Variants in TMEM268 observed in about 807,000 individuals in gnomAD.
The protein encoded by TMEM268 is transmembrane protein 268.
TMEM268 carries 24 observed loss-of-function variants against 39.1 expected under a neutral mutation model. The observed-to-expected ratio is 0.61, with a 90% CI of 0.44 to 0.86. TMEM268 has a LOEUF of 0.86. Ranked by LOEUF, TMEM268 falls within the 40% of genes least tolerant of loss-of-function variation. The pLI, the probability that TMEM268 is intolerant of heterozygous loss-of-function variation, is 0.00. For missense variants in TMEM268, 409 were observed against 428.6 expected, an observed-to-expected ratio of 0.95 and a Z score of 0.40; for synonymous variants, 176 against 173.5, an observed-to-expected ratio of 1.01 and a Z score of -0.12.
At chr9:114,618,627 G>T (rs910633586) in intron 2 of TMEM268, among the ~76,000 whole-genome samples, 3 of 151,652 alleles carry the variant, frequency 2.0e-5, no homozygotes, top group Non-Finnish European at 4.4e-5. Context: ...CACACCACTG[G>T]ACTCCAGTTT....
intron 2 of TMEM268, chr9:114,622,580 T>G: frequency 1.1e-6 from 1 of 891,744 alleles, no homozygotes; most frequent in Non-Finnish European, 1.3e-6. Flanking sequence ...CCAGCTGGTC[T>G]CATGGTCTGG....
At chr9:114,633,620 A>G (rs1846499470) in intron 5 of TMEM268, 148 bp from the exon 6 acceptor site, 1 of 453,708 alleles carries the variant, frequency 2.2e-6, no homozygotes, top group Non-Finnish European at 3.9e-6. Context: ...ACCCCCGACC[A>G]TTTAATAGGG....
At chr9:114,617,055 C>A in intron 1 of TMEM268, 63 bp from the exon 2 acceptor site, 1 of 578,556 alleles carries the variant, frequency 1.7e-6, no homozygotes, top group Admixed American at 3.6e-5. Flanking sequence ...TGGAGACAGC[C>A]CCTAGGAACC....
chr9:114,628,953 T>C (rs1182085770), intron 5 of TMEM268, among the ~76,000 whole-genome samples: 3 of 152,252 alleles, frequency 2.0e-5, no homozygotes, highest in Non-Finnish European at 4.4e-5. Flanking sequence ...GGTCCTCTGT[T>C]AAATGCTTAC....
chr9:114,642,218 A>G (rs192088430), intron 8 of TMEM268, among the ~76,000 whole-genome samples: 138 of 152,188 alleles, frequency 9.1e-4, no homozygotes, highest in African/African-American at 3.2e-3. Flanking sequence ...CTCAACCCCT[A>G]GAAACCACCA....
At chr9:114,639,162 TCTCA>T (rs1846779548) in intron 8 of TMEM268, among the ~76,000 whole-genome samples, 1 of 151,952 alleles carries the variant, frequency 6.6e-6, no homozygotes, top group South Asian at 2.1e-4. Flanking sequence ...TAGAACAGGG[TCTCA>T]CTCCCGTCAC....
intron 7 of TMEM268, among the ~76,000 whole-genome samples, chr9:114,638,255 C>G (rs767521268): frequency 6.6e-6 from 1 of 152,030 alleles, no homozygotes; most frequent in Non-Finnish European, 1.5e-5. Flanking sequence ...TTGGCCAGGC[C>G]GGTCTTGAAC....
rs187944154 is a variant in TMEM268, at chr9:114,619,578, C to T, written c.106+2277C>T. On this transcript the variant is annotated intron_variant, in intron 2 of 8. Coordinates refer to ENST00000288502, the MANE Select transcript of TMEM268 (RefSeq NM_153045.4). Reference sequence around the variant, plus strand: ...TCTCCATGCGTGGAGTCCAAATCAACGTGGAGTTTTCATTCTTGCTGTGGA... The same window carrying T: ...TCTCCATGCGTGGAGTCCAAATCAATGTGGAGTTTTCATTCTTGCTGTGGA... Among the ~76,000 whole-genome samples the T allele has an allele frequency of 3.2e-3, 488 of 152,340 alleles. 8 individuals are homozygous for T. Among genetic ancestry groups the T allele is most frequent in the Admixed American group, 0.029 (443 of 15,296 alleles).
intron 5 of TMEM268, among the ~76,000 whole-genome samples, chr9:114,630,302 C>CCATCCATA (rs1184506922): frequency 6.6e-6 from 1 of 152,056 alleles, no homozygotes; most frequent in Non-Finnish European, 1.5e-5. Flanking sequence ...ATCCATCCAT[C>CCATCCATA]CATCCATCCA....
At chr9:114,638,311 G>A (rs1278973967) in intron 7 of TMEM268, among the ~76,000 whole-genome samples, 2 of 152,176 alleles carry the variant, frequency 1.3e-5, no homozygotes, top group East Asian at 1.9e-4. Context: ...CAAAGTGCTG[G>A]GATTACAGGC....
Position 114,628,185 on chromosome 9 carries a change from G to A in TMEM268, c.409G>A (p.Val137Met), listed in dbSNP as rs143983393. ...LGNHWAGMLL[V>M]TLAAVSLTLT... ...GAACCACTGGGCTGGCATGCTGCTC[G>A]TGACCCTGGCCGCGGTGAGCCTGAC... is the stretch of plus-strand genomic sequence containing the variant. Residue 137 changes from valine to methionine, a missense_variant, in exon 5 of 9, where the codon GTG becomes ATG. By Grantham distance (21) the Val-to-Met change is conservative. Transcript: ENST00000288502. The A allele has an allele frequency of 4.5e-5, 72 of 1,614,044 alleles. No homozygotes were observed. Among genetic ancestry groups the A allele is most frequent in the Non-Finnish European group, 5.8e-5 (69 of 1,180,040 alleles).
rs978125013 is a variant in TMEM268 at position 114,645,860 on chromosome 9, A to C, written c.*2547A>C. 3.3e-5 allele frequency: 5 copies of C among 152,350 alleles called. No individual in the cohort carries two copies. In the South Asian group the frequency reaches 6.2e-4, roughly 19 times the overall value. The allele number at this position is 152,350 out of a possible 1,614,324, so 9.4% of individuals were successfully genotyped here. On this transcript the variant is annotated 3_prime_UTR_variant, in exon 9 of 9. Transcript: ENST00000288502. Reference sequence around the variant, plus strand: ...CTGTGCCTCAGTTTCCTCATTTATAAAATCCCTATGATCTCTGTCTCACCT... The same window carrying C: ...CTGTGCCTCAGTTTCCTCATTTATACAATCCCTATGATCTCTGTCTCACCT...
upstream of TMEM268, among the ~76,000 whole-genome samples, chr9:114,607,745 ACAGGG>A (rs1242404208): frequency 6.6e-6 from 1 of 152,214 alleles, no homozygotes; most frequent in African/African-American, 2.4e-5. Context: ...TAGGCCCAGG[ACAGGG>A]CAGGGCTCCC....
chr9:114,614,411 G>A (rs1382980367), intron 1 of TMEM268, among the ~76,000 whole-genome samples: 1 of 152,222 alleles, frequency 6.6e-6, no homozygotes, highest in Non-Finnish European at 1.5e-5. Context: ...CTCCCATTTG[G>A]TTTAATGCTG....
intron 4 of TMEM268, 69 bp from the exon 5 acceptor site, chr9:114,628,032 C>T (rs535878538): frequency 1.3e-6 from 2 of 1,560,834 alleles, no homozygotes; most frequent in Non-Finnish European, 1.8e-6. Context: ...GAAAGGTGTC[C>T]CTTTGAATGG....
Position 114,628,032 on chromosome 9 carries a change from C to A in TMEM268, c.325-69C>A, listed in dbSNP as rs535878538. 4 of 1,560,834 alleles carry A rather than the reference C, an allele frequency of 2.6e-6. No homozygotes were observed. In the African/African-American group the frequency reaches 4.1e-5, roughly 16 times the overall value. On this transcript the variant is annotated intron_variant, in intron 4 of 8. Transcript: ENST00000288502. ...GTATCAGTAGTGTCTGAAAGGTGTC[C>A]CTTTGAATGGAGCTGCTTTATGCAA... is the stretch of plus-strand genomic sequence containing the variant.
At chr9:114,614,212 T>C (rs577773178) in intron 1 of TMEM268, among the ~76,000 whole-genome samples, 1 of 152,334 alleles carries the variant, frequency 6.6e-6, no homozygotes, top group Non-Finnish European at 1.5e-5. Context: ...AATGTTTTCA[T>C]AGTTTGCTGC....
intron 8 of TMEM268, among the ~76,000 whole-genome samples, chr9:114,641,383 A>C (rs1005637935): frequency 6.6e-6 from 1 of 152,210 alleles, no homozygotes. Flanking sequence ...AGCGTAACCC[A>C]CACTTCATTT....
rs566689078 is a variant in TMEM268 at position 114,624,145 on chromosome 9, C to G, written c.107-205C>G. On this transcript the variant is annotated intron_variant, in intron 2 of 8. Coordinates refer to ENST00000288502, the MANE Select transcript of TMEM268 (RefSeq NM_153045.4). The stretch of plus-strand genomic sequence containing the variant: ...CACATTGTGGTCCTAGGAGCCTCCT[C>G]CCTCTGGCCTTAATTCTGCCTCCTG... The G allele has an allele frequency of 6.2e-6, 7 of 1,122,086 alleles. No homozygotes were observed. In the Admixed American group the frequency reaches 1.3e-4, roughly 21 times the overall value. 69.5% of individuals were successfully genotyped at this position (1,122,086 alleles called of 1,614,324 possible).
Sources: gnomAD v4.1 joint callset for allele counts (sites outside exome capture counted in the v4.1 genomes callset) on GRCh38, gnomAD v4.1.1 for gene constraint, MANE v1.5 for transcripts, NCBI Gene and HGNC (gene_info 2026-07-23, HGNC 2026-07-21) for gene names.